NAV1: variants seen among roughly 807,000 people sequenced by gnomAD.
NAV1 encodes neuron navigator 1.
Under a neutral mutation model 175.2 loss-of-function variants are expected in NAV1, and 18 were observed. The observed-to-expected ratio is 0.10, with a 90% CI of 0.07 to 0.15. The LOEUF (loss-of-function observed/expected upper bound fraction) is 0.15. Ranked by LOEUF, NAV1 falls within the 10% of genes least tolerant of loss-of-function variation. The probability of loss-of-function intolerance (pLI) is 1.00; values close to 1 mark genes in which losing one functional copy is unlikely to be tolerated. For synonymous variants in NAV1, 897 were observed against 978.7 expected, an observed-to-expected ratio of 0.92 and a Z score of 1.56; for missense variants, 1,731 against 2,436.6, an observed-to-expected ratio of 0.71 and a Z score of 6.10.
At chr1:201,735,229 A>T (rs768066130) in intron 3 of NAV1, among the ~76,000 whole-genome samples, 41 of 152,210 alleles carry the variant, frequency 2.7e-4, no homozygotes, top group Non-Finnish European at 5.3e-4. Flanking sequence ...TGACTGGTAA[A>T]AAGAAGCCTG....
At chr1:201,684,492 T>TC (rs1553253632) in intron 1 of NAV1, among the ~76,000 whole-genome samples, 3 of 150,508 alleles carry the variant, frequency 2.0e-5, no homozygotes, top group Non-Finnish European at 4.4e-5. Flanking sequence ...TTTTTTTTTT[T>TC]AGACAGAGTC....
At chr1:201,607,742 T>G (rs529385553) in intron 2 of NAV1, among the ~76,000 whole-genome samples, 108 of 152,316 alleles carry the variant, frequency 7.1e-4, no homozygotes, top group African/African-American at 2.4e-3. Flanking sequence ...TCCACCCACC[T>G]CGGCCTCCCA....
In NAV1 at chr1:201,632,986, A is replaced by G. The variant is rs558594438; in HGVS notation, c.4+3479A>G. Among the ~76,000 whole-genome samples the G allele has an allele frequency of 9.2e-5, 14 of 152,222 alleles. No individual in the cohort carries two copies. The South Asian group carries it at 2.9e-3, about 32-fold the overall frequency. On this transcript the variant is annotated intron_variant, in intron 2 of 29. Coordinates refer to the NAV1 transcript ENST00000367302. ...AGGAATGGTAACTACTCTCTGGGAG[A>G]GAAGTTTGTTCTGGGGGTTTCAAAC...
chr1:201,643,814 G>A (rs968346636), upstream of NAV1, among the ~76,000 whole-genome samples: 11 of 152,120 alleles, frequency 7.2e-5, no homozygotes, highest in Non-Finnish European at 1.3e-4. Context: ...AGTCCCAACT[G>A]ACAGATTCCC....
At chr1:201,569,488 G>T (rs1452057454) in intron 1 of NAV1, among the ~76,000 whole-genome samples, 1 of 152,238 alleles carries the variant, frequency 6.6e-6, no homozygotes, top group African/African-American at 2.4e-5. Context: ...CATGGACCCT[G>T]AGGCTGATCC....
intron 1 of NAV1, among the ~76,000 whole-genome samples, chr1:201,699,066 C>T (rs1195618049): frequency 6.6e-6 from 1 of 152,230 alleles, no homozygotes; most frequent in African/African-American, 2.4e-5. Flanking sequence ...TCCTATTCAA[C>T]ATAGTGTTGG....
chr1:201,643,083 C>G (rs976163770), intron 2 of NAV1, among the ~76,000 whole-genome samples: 2 of 150,272 alleles, frequency 1.3e-5, no homozygotes, highest in African/African-American at 5.0e-5. Flanking sequence ...CTCTTTCTCT[C>G]TTTCTTTCTT....
At chr1:201,652,171 G>C (rs1191414445) in intron 1 of NAV1, among the ~76,000 whole-genome samples, 1 of 151,250 alleles carries the variant, frequency 6.6e-6, no homozygotes, top group Non-Finnish European at 1.5e-5. Context: ...CCCCACCTCA[G>C]TGGGGCTCAG....
intron 1 of NAV1, among the ~76,000 whole-genome samples, chr1:201,677,780 G>A (rs760554865): frequency 1.1e-4 from 17 of 152,130 alleles, no homozygotes; most frequent in East Asian, 5.8e-4. Flanking sequence ...GGCATGCGCC[G>A]CCACGCCTGG....
intron 28 of NAV1, among the ~76,000 whole-genome samples, chr1:201,814,609 A>G (rs2820291): frequency 0.97 from 147,662 of 152,240 alleles, 71,783 homozygotes; most frequent in East Asian, 1. Context: ...ATTTCTAAAG[A>G]TGCTGTCAGA....
exon 30 of NAV1, chr1:201,819,922 C>T: frequency 6.2e-7 from 1 of 1,614,124 alleles, no homozygotes; most frequent in Non-Finnish European, 8.5e-7. Flanking sequence ...AACCTTCAGG[C>T]AACACTTTAA....
At chr1:201,592,557 T>C (rs1006810064) in intron 2 of NAV1, among the ~76,000 whole-genome samples, 9 of 152,056 alleles carry the variant, frequency 5.9e-5, no homozygotes, top group African/African-American at 1.9e-4. Flanking sequence ...ACTTATTCCA[T>C]GTAAGGTGGA....
intron 2 of NAV1, among the ~76,000 whole-genome samples, chr1:201,640,241 G>C (rs1004726580): frequency 3.9e-5 from 6 of 152,192 alleles, no homozygotes; most frequent in Non-Finnish European, 7.3e-5. Flanking sequence ...GGGCCAGAGA[G>C]GGTGAGCCGG....
At chr1:201,607,260 C>T (rs1313817932) in intron 2 of NAV1, among the ~76,000 whole-genome samples, 3 of 151,500 alleles carry the variant, frequency 2.0e-5, no homozygotes, top group African/African-American at 4.9e-5. Context: ...AGACTACAGG[C>T]GTCCACCACC....
Position 201,810,695 on chromosome 1 carries a change from C to T in NAV1, c.4734C>T (p.Arg1578=). Residue 1578 remains arginine, a synonymous_variant, in exon 24 of 30, where the codon CGC becomes CGT. Transcript: ENST00000367296. The surrounding 1 kb of genome is among the most constrained non-coding windows in gnomAD (Gnocchi z 6.0). ...GCTTGGCCGAGTACCTGGTGGAGCG[C>T]TCTGGCCGTGAGGTCACAGAGGGCA... 6.2e-7 allele frequency: 1 copy of T among 1,614,156 alleles called. No individual in the cohort carries two copies. The highest frequency in any genetic ancestry group is 8.5e-7 in the Non-Finnish European group (1 of 1,180,010).
At chr1:201,802,874 A>T (rs1678028343) in intron 15 of NAV1, among the ~76,000 whole-genome samples, 1 of 152,016 alleles carries the variant, frequency 6.6e-6, no homozygotes, top group African/African-American at 2.4e-5. Context: ...CTGTACCCCC[A>T]CATGTGCCCT....
At chr1:201,565,691 A>G (rs1205694857) in intron 1 of NAV1, among the ~76,000 whole-genome samples, 2 of 152,164 alleles carry the variant, frequency 1.3e-5, no homozygotes, top group South Asian at 2.1e-4. Context: ...AATCATTTTT[A>G]TTAGCAGAGC....
At chr1:201,799,075 CA>C (rs369106401) in intron 15 of NAV1, among the ~76,000 whole-genome samples, 87 of 148,858 alleles carry the variant, frequency 5.8e-4, no homozygotes, top group African/African-American at 2.1e-3. Context: ...CATCCATCTT[CA>C]AAAAAAAGAA....
intron 3 of NAV1, among the ~76,000 whole-genome samples, chr1:201,756,809 C>CTTCTTTCTTTCTTTCTTT (rs1558131288): frequency 0.038 from 1,022 of 26,988 alleles, 59 homozygotes; most frequent in East Asian, 0.087. Flanking sequence ...TCTTTCTTTC[C>CTTCTTTCTTTCTTTCTTT]TTCTTTCTTT....
Sources: gnomAD v4.1 joint callset for allele counts (sites outside exome capture counted in the v4.1 genomes callset) on GRCh38, gnomAD v4.1.1 for gene constraint, Gnocchi (gnomAD v3.1) non-coding constraint, MANE v1.5 for transcripts, NCBI Gene and HGNC (gene_info 2026-07-23, HGNC 2026-07-21) for gene names.